Variants in CASQ1 observed in about 807,000 individuals in gnomAD.
CASQ1 encodes calsequestrin 1.
In CASQ1, 40 loss-of-function variants were observed where a neutral mutation model predicts 49.5. That is an observed-to-expected ratio of 0.81 (90% CI 0.63 to 1.05). The LOEUF (loss-of-function observed/expected upper bound fraction) is 1.05, where lower values mean the gene tolerates loss of function less well. Ranked by LOEUF, CASQ1 falls within the 50% of genes least tolerant of loss-of-function variation. The pLI, the probability that CASQ1 is intolerant of heterozygous loss-of-function variation, is 0.00. For synonymous variants in CASQ1, 174 were observed against 187.2 expected (o/e 0.93, Z 0.58); for missense variants, 469 against 486.9 (o/e 0.96, Z 0.35).
intron 1 of CASQ1, among the ~76,000 whole-genome samples, chr1:160,191,837 C>CAGA (rs1263611865): frequency 2.1e-5 from 2 of 96,378 alleles, no homozygotes; most frequent in Non-Finnish European, 4.1e-5. Flanking sequence ...GGCCCCTTCT[C>CAGA]TGGCCTCAGC....
intron 1 of CASQ1, among the ~76,000 whole-genome samples, chr1:160,191,481 A>T (rs1257304510): frequency 6.6e-6 from 1 of 152,322 alleles, no homozygotes; most frequent in East Asian, 1.9e-4. Context: ...GTGTAAATGT[A>T]AATGTTATGA....
rs1553192588 is a variant in CASQ1, at chr1:160,195,660, C to CCT, written c.651+127_651+128insTC. ...GCTGGCACTCCCTACCTGCCCCCCC[C>CCT]CCCGGCTCCTCCCACTCCATAGATT... On this transcript the variant is annotated intron_variant, in intron 5 of 10. Transcript: ENST00000368078. The CCT allele has an allele frequency of 9.8e-6, 8 of 816,008 alleles. No individual in the cohort carries two copies. The African/African-American group carries it at 1.4e-4, about 14-fold the overall frequency. 50.5% of individuals were successfully genotyped at this position (816,008 alleles called of 1,614,324 possible).
intron 1 of CASQ1, among the ~76,000 whole-genome samples, chr1:160,191,248 T>G (rs1254962550): frequency 1.3e-5 from 2 of 152,120 alleles, no homozygotes; most frequent in Non-Finnish European, 2.9e-5. Flanking sequence ...TCAGGAAACC[T>G]TTAGCAGGGG....
rs529624050 is a variant in CASQ1 at position 160,194,223 on chromosome 1, C to T, written c.465+376C>T. Among the ~76,000 whole-genome samples the T allele has an allele frequency of 3.0e-4, 44 of 146,320 alleles. 1 individual carries two copies. The South Asian group carries it at 8.8e-3, about 29-fold the overall frequency. ...ACATGCACACCACACACTCCACACA[C>T]ATCACACACCACATGCACATACACA... On this transcript the variant is annotated intron_variant, in intron 3 of 10. Transcript: ENST00000368078.
chr1:160,197,715 T>C (rs1654275035), intron 7 of CASQ1, 101 bp downstream of exon 7: 6 of 850,348 alleles, frequency 7.1e-6, no homozygotes, highest in Non-Finnish European at 1.0e-5. Flanking sequence ...GGCCCATTTT[T>C]AGAAAAAACA....
intron 1 of CASQ1, among the ~76,000 whole-genome samples, chr1:160,191,288 T>C (rs1179678029): frequency 6.6e-6 from 1 of 152,028 alleles, no homozygotes; most frequent in East Asian, 1.9e-4. Context: ...CTCCCTGCTA[T>C]AGGAGGCTGG....
At position 160,200,498 on chromosome 1, in the gene CASQ1, A is replaced by G. The variant is rs530070822; in HGVS notation, c.1059+573A>G. Among the ~76,000 whole-genome samples, 10 of 152,346 alleles carry G rather than the reference A, an allele frequency of 6.6e-5. No individual in the cohort carries two copies. The East Asian group carries it at 1.7e-3, about 26-fold the overall frequency. ...ATTGATTTCTGCTTGACAGAATCAG[A>G]GAAAAGTTTAAGAAAAAGTGATATT... On this transcript the variant is annotated intron_variant, in intron 10 of 10. Transcript: ENST00000368078.
chr1:160,193,781 G>A lies in CASQ1; in HGVS notation c.399G>A (p.Lys133=), dbSNP rs761822207. ...AAGTGGACAGCATGTATGTATTCAA[G>A]GGAGATGAAGTCATTGAGTACGATG... ...LTEVDSMYVF[K]GDEVIEYDGE... The change falls in exon 3 of 11, where the codon AAG becomes AAA. Residue 133 remains lysine (K), a synonymous_variant. Coordinates refer to ENST00000368078, the MANE Select transcript of CASQ1 (RefSeq NM_001231.5). 6.2e-7 allele frequency: 1 copy of A among 1,612,802 alleles called. No homozygotes were observed. The highest frequency in any genetic ancestry group is 8.5e-7 in the Non-Finnish European group (1 of 1,179,138).
At chr1:160,195,702 C>A (rs1654208672) in intron 5 of CASQ1, among the ~76,000 whole-genome samples, 168 bp downstream of exon 5, 1 of 137,332 alleles carries the variant, frequency 7.3e-6, no homozygotes, top group Non-Finnish European at 1.5e-5. Context: ...TGAAGAGGGG[C>A]TTTAGATGAT....
At chr1:160,193,398 G>C (rs531946789) in intron 2 of CASQ1, among the ~76,000 whole-genome samples, 85 of 152,252 alleles carry the variant, frequency 5.6e-4, no homozygotes, top group African/African-American at 1.9e-3. Context: ...AGTGCTCAGA[G>C]GGGGTGGCAT....
At chr1:160,199,819 T>G (rs1447822554) in intron 9 of CASQ1, 32 bp from the exon 10 acceptor site, 1 of 1,420,874 alleles carries the variant, frequency 7.0e-7, no homozygotes, top group African/African-American at 1.4e-5. Flanking sequence ...CCCTAGTATC[T>G]ATTAAGTTGC....
intron 3 of CASQ1, among the ~76,000 whole-genome samples, chr1:160,194,126 C>A (rs1046010621): frequency 6.7e-6 from 1 of 149,692 alleles, no homozygotes; most frequent in Admixed American, 6.6e-5. Flanking sequence ...ACCACACACA[C>A]TACACACACC....
intron 6 of CASQ1, among the ~76,000 whole-genome samples, chr1:160,196,338 G>T (rs1165949568): frequency 1.3e-5 from 2 of 152,154 alleles, no homozygotes; most frequent in Admixed American, 1.3e-4. Flanking sequence ...GGCAGGAACT[G>T]CAAGGTACTT....
At chr1:160,196,393 T>G (rs665824) in intron 6 of CASQ1, among the ~76,000 whole-genome samples, 151,086 of 152,266 alleles carry the variant, frequency 0.99, 74,972 homozygotes, top group East Asian at 1. Context: ...TCAGTGAAAG[T>G]TTCTACAGGT....
Position 160,201,803 on chromosome 1 carries a change from T to C in CASQ1, c.*427T>C, listed in dbSNP as rs1389165561. The C allele has an allele frequency of 5.4e-6, 1 of 183,510 alleles. No homozygotes were observed. Among genetic ancestry groups the C allele is most frequent in the Non-Finnish European group, 1.2e-5 (1 of 86,488 alleles). The allele number at this position is 183,510 out of a possible 1,614,324, so 11.4% of individuals were successfully genotyped here. A position where few individuals can be genotyped will look rare whatever the true frequency, so the allele number is the denominator to read the frequency against. On this transcript the variant is annotated 3_prime_UTR_variant, in exon 11 of 11. Coordinates refer to ENST00000368078, the MANE Select transcript of CASQ1 (RefSeq NM_001231.5). Reference sequence around the variant, plus strand: ...GCCAGAAGGAAGGGAGAATACTGTGTTTGGGACTGTATCTCAGCAATCACT... The same window carrying C: ...GCCAGAAGGAAGGGAGAATACTGTGCTTGGGACTGTATCTCAGCAATCACT...
At position 160,196,045 on chromosome 1, in the gene CASQ1, C is replaced by G; in HGVS notation, c.782+18C>G. On this transcript the variant is annotated intron_variant, in intron 6 of 10. Transcript: ENST00000368078. ...CACAGGAGGTGGGGACCAAGGGCAACCCTCTCAGCGGGGTCGGCTCCTCCT... is the reference window on the plus strand; with the variant it reads ...CACAGGAGGTGGGGACCAAGGGCAAGCCTCTCAGCGGGGTCGGCTCCTCCT... The G allele has an allele frequency of 6.2e-7, 1 of 1,612,864 alleles. No individual in the cohort carries two copies. Among genetic ancestry groups the G allele is most frequent in the Non-Finnish European group, 8.5e-7 (1 of 1,179,334 alleles).
At chr1:160,191,894 G>A (rs1486535210) in intron 1 of CASQ1, among the ~76,000 whole-genome samples, 2 of 152,066 alleles carry the variant, frequency 1.3e-5, no homozygotes, top group African/African-American at 4.8e-5. Flanking sequence ...AGAACCACAG[G>A]CTCTCATTTT....
At chr1:160,193,870 C>T (rs754193997) in intron 3 of CASQ1, 23 bp downstream of exon 3, 22 of 1,558,232 alleles carry the variant, frequency 1.4e-5, no homozygotes, top group East Asian at 2.2e-5. Context: ...CTGGACCTGA[C>T]GGCCTTGCTT....
In CASQ1 at chr1:160,195,001, T is replaced by A; in HGVS notation, c.466-11T>A. 3 of 1,543,242 alleles carry A rather than the reference T, an allele frequency of 1.9e-6. No homozygotes were observed. Among genetic ancestry groups the A allele is most frequent in the Non-Finnish European group, 2.7e-6 (3 of 1,128,388 alleles). ...TAGAAACTCTCTTCCTGCAATGTCC[T>A]CCTCTTTCAGGTCCTAGAGGACCCT... On this transcript the variant is annotated splice_polypyrimidine_tract_variant and intron_variant, in intron 3 of 10. Coordinates refer to ENST00000368078, the MANE Select transcript of CASQ1 (RefSeq NM_001231.5).
Sources: allele counts gnomAD v4.1 joint callset (sites outside exome capture counted in the v4.1 genomes callset), GRCh38; gene constraint gnomAD v4.1.1; transcripts MANE v1.5; gene names NCBI Gene and HGNC (gene_info 2026-07-23, HGNC 2026-07-21).